The following NEGR1 variants were observed in gnomAD, a reference collection of about 807,000 sequenced individuals.
The protein encoded by NEGR1 is neuronal growth regulator 1.
NEGR1 carries 10 observed loss-of-function variants against 40.9 expected under a neutral mutation model. The ratio of observed to expected loss-of-function variants is 0.24; its 90% CI spans 0.15 to 0.42. NEGR1 has a LOEUF of 0.42. NEGR1 is among the 10% of genes least tolerant of loss of function. The pLI is 1.00. For synonymous variants in NEGR1, 185 were observed against 166.8 expected, an observed-to-expected ratio of 1.11 and a Z score of -0.84; for missense variants, 352 against 438.9, an observed-to-expected ratio of 0.80 and a Z score of 1.77.
rs527469343 is a variant in NEGR1, at chr1:71,849,000, G to T, written c.410-72703C>A. Among the ~76,000 whole-genome samples the T allele has an allele frequency of 3.3e-5, 5 of 151,994 alleles. No homozygotes were observed. The South Asian group carries it at 8.3e-4, about 25-fold the overall frequency. On this transcript the variant is annotated intron_variant, in intron 2 of 6. Coordinates refer to ENST00000357731, the MANE Select transcript of NEGR1 (RefSeq NM_173808.3). Reference sequence around the variant, plus strand: ...AGCTACGCAGGCGGCTGAGGCAGGAGAATTGCTTGAATCCAGAGGTGGAGG... The same window carrying T: ...AGCTACGCAGGCGGCTGAGGCAGGATAATTGCTTGAATCCAGAGGTGGAGG...
intron 1 of NEGR1, among the ~76,000 whole-genome samples, chr1:72,213,742 A>G (rs1653695628): frequency 6.6e-6 from 1 of 152,050 alleles, no homozygotes; most frequent in Non-Finnish European, 1.5e-5. Flanking sequence ...CCAACCAAAA[A>G]AAGCCCAAGA....
At chr1:72,016,455 T>G (rs1051067917) in intron 1 of NEGR1, among the ~76,000 whole-genome samples, 8 of 152,090 alleles carry the variant, frequency 5.3e-5, no homozygotes, top group Non-Finnish European at 1.0e-4. Flanking sequence ...GCTCCTACAC[T>G]CATCTGCCTC....
intron 3 of NEGR1, among the ~76,000 whole-genome samples, chr1:71,709,844 A>T (rs2101641520): frequency 6.6e-6 from 1 of 152,354 alleles, no homozygotes; most frequent in South Asian, 2.1e-4. Flanking sequence ...AAGCACAGGC[A>T]ACCAAAGCGA....
At chr1:71,424,788 G>A (rs762668870) in intron 6 of NEGR1, among the ~76,000 whole-genome samples, 19 of 152,192 alleles carry the variant, frequency 1.2e-4, no homozygotes, top group Non-Finnish European at 2.5e-4. Context: ...GAGGACCTCA[G>A]TCCTTCCACC....
chr1:71,532,771 C>T (rs1647394639), intron 6 of NEGR1, among the ~76,000 whole-genome samples: 1 of 151,470 alleles, frequency 6.6e-6, no homozygotes, highest in Admixed American at 6.6e-5. Flanking sequence ...AGCATGCGGC[C>T]CATAATCAAC....
Position 72,074,797 on chromosome 1 carries a change from A to G in NEGR1, c.177-139486T>C, listed in dbSNP as rs144349071. On this transcript the variant is annotated intron_variant, in intron 1 of 6. Transcript: ENST00000357731. ...ATTTGCAAAACATAAATTATCACTC[A>G]TATTGTAGAACCAAAGAAAATGATG... is the stretch of plus-strand genomic sequence containing the variant. Among the ~76,000 whole-genome samples, 283 of 152,284 alleles carry G rather than the reference A, an allele frequency of 1.9e-3. 1 individual carries two copies. The highest frequency in any genetic ancestry group is 6.6e-3 in the African/African-American group (275 of 41,584).
At chr1:71,957,450 T>C (rs1395287791) in intron 1 of NEGR1, among the ~76,000 whole-genome samples, 2 of 152,148 alleles carry the variant, frequency 1.3e-5, no homozygotes. Flanking sequence ...CCAATTGATA[T>C]ATACTTGGTA....
rs1659519023 is a variant in NEGR1 at position 71,849,090 on chromosome 1, A to G, written c.410-72793T>C. Among the ~76,000 whole-genome samples the G allele has an allele frequency of 2.7e-5, 4 of 147,460 alleles. No homozygotes were observed. In the South Asian group the frequency reaches 6.3e-4, roughly 23 times the overall value. ...GGTGACAGAGCAAGACTCTGTCTCA[A>G]AAAAAAAAAAAGAAAAGAAATACAT... On this transcript the variant is annotated intron_variant, in intron 2 of 6. Coordinates refer to ENST00000357731, the MANE Select transcript of NEGR1 (RefSeq NM_173808.3).
chr1:72,240,279 T>G (rs564306151), intron 1 of NEGR1, among the ~76,000 whole-genome samples: 1 of 151,908 alleles, frequency 6.6e-6, no homozygotes, highest in South Asian at 2.1e-4. Flanking sequence ...CAATTTGCAA[T>G]GAAAAGAAAG....
At chr1:71,934,039 G>C (rs770710999) in intron 2 of NEGR1, among the ~76,000 whole-genome samples, 11 of 151,998 alleles carry the variant, frequency 7.2e-5, no homozygotes, top group Admixed American at 1.3e-4. Context: ...GAGTACAGCT[G>C]ACTTTCTCAC....
intron 1 of NEGR1, among the ~76,000 whole-genome samples, chr1:72,147,197 C>G (rs1570040299): frequency 6.6e-6 from 1 of 152,224 alleles, no homozygotes; most frequent in East Asian, 1.9e-4. Flanking sequence ...AGTTCGTTTT[C>G]ATGCTGCTTA....
intron 2 of NEGR1, among the ~76,000 whole-genome samples, chr1:71,932,821 A>T (rs1030924763): frequency 1.1e-4 from 16 of 152,060 alleles, no homozygotes; most frequent in Non-Finnish European, 2.2e-4. Flanking sequence ...AAATTTAGGG[A>T]CTGAAGAGGT....
intron 1 of NEGR1, among the ~76,000 whole-genome samples, chr1:71,943,032 A>T (rs1645983758): frequency 7.8e-6 from 1 of 127,922 alleles, no homozygotes; most frequent in South Asian, 2.3e-4. Flanking sequence ...ATATATACAC[A>T]CATACATATA....
chr1:71,671,840 T>A (rs886416018), intron 4 of NEGR1, among the ~76,000 whole-genome samples: 1 of 152,172 alleles, frequency 6.6e-6, no homozygotes, highest in Non-Finnish European at 1.5e-5. Context: ...CTGGATGTTT[T>A]ATTATTTTTG....
At chr1:71,902,367 G>C (rs1013085412) in intron 2 of NEGR1, among the ~76,000 whole-genome samples, 1 of 152,170 alleles carries the variant, frequency 6.6e-6, no homozygotes, top group African/African-American at 2.4e-5. Flanking sequence ...AAACCTGATA[G>C]AGTTTAACAG....
At chr1:72,007,141 G>T (rs894542695) in intron 1 of NEGR1, among the ~76,000 whole-genome samples, 16 of 151,960 alleles carry the variant, frequency 1.1e-4, no homozygotes, top group African/African-American at 3.9e-4. Flanking sequence ...AAAAAAGGAG[G>T]TGTCATTTAA....
At position 71,556,444 on chromosome 1, in the gene NEGR1, T is replaced by C. The variant is rs1250746188; in HGVS notation, c.940+36373A>G. On this transcript the variant is annotated intron_variant, in intron 6 of 6. Coordinates refer to ENST00000357731, the MANE Select transcript of NEGR1 (RefSeq NM_173808.3). Reference sequence around the variant, plus strand: ...TGAAGAATTAAAACAACATGACCATTAAGTCAAACTGAATGCTATGGTTTA... The same window carrying C: ...TGAAGAATTAAAACAACATGACCATCAAGTCAAACTGAATGCTATGGTTTA... 6.6e-5 allele frequency among the ~76,000 whole-genome samples: 10 copies of C among 151,530 alleles called. No individual in the cohort carries two copies. The Admixed American group carries it at 6.6e-4, about 10-fold the overall frequency.
chr1:71,725,306 C>T (rs927458898), intron 3 of NEGR1, among the ~76,000 whole-genome samples: 3 of 152,030 alleles, frequency 2.0e-5, no homozygotes, highest in Admixed American at 6.6e-5. Context: ...CTCTGATGCC[C>T]TCTCACCACT....
At chr1:71,647,431 C>T (rs1033050271) in intron 4 of NEGR1, among the ~76,000 whole-genome samples, 2 of 151,836 alleles carry the variant, frequency 1.3e-5, no homozygotes, top group African/African-American at 4.8e-5. Context: ...ATGTCTTTCC[C>T]ACATTTTTAT....
Sources: gnomAD v4.1 joint callset for allele counts (sites outside exome capture counted in the v4.1 genomes callset) on GRCh38, gnomAD v4.1.1 for gene constraint, MANE v1.5 for transcripts, NCBI Gene and HGNC (gene_info 2026-07-23, HGNC 2026-07-21) for gene names.